The following ANTXR1 variants were observed in gnomAD, a reference collection of about 807,000 sequenced individuals.
ANTXR1 encodes anthrax toxin receptor 1.
Under a neutral mutation model 78.1 loss-of-function variants are expected in ANTXR1, and 19 were observed. The ratio of observed to expected loss-of-function variants is 0.24; its 90% CI spans 0.17 to 0.36. ANTXR1 has a LOEUF of 0.36. Ranked by LOEUF, ANTXR1 falls within the 10% of genes least tolerant of loss-of-function variation. The probability of loss-of-function intolerance (pLI) is 1.00; values close to 1 mark genes in which losing one functional copy is unlikely to be tolerated. For synonymous variants in ANTXR1, 273 were observed against 260.5 expected, an observed-to-expected ratio of 1.05 and a Z score of -0.46; for missense variants, 518 against 718.6, an observed-to-expected ratio of 0.72 and a Z score of 3.19.
At chr2:69,207,822 G>A (rs912228040) in intron 17 of ANTXR1, among the ~76,000 whole-genome samples, 1 of 152,158 alleles carries the variant, frequency 6.6e-6, no homozygotes, top group African/African-American at 2.4e-5. Flanking sequence ...CTGACAATTT[G>A]AAGGTGGAGA....
chr2:69,211,363 G>A (rs540086917), intron 17 of ANTXR1, among the ~76,000 whole-genome samples: 89 of 152,304 alleles, frequency 5.8e-4, no homozygotes, highest in Non-Finnish European at 8.7e-4. Context: ...AACACAGAGC[G>A]GGATCAACTG....
chr2:69,188,612 T>C (rs2104470788), intron 16 of ANTXR1, among the ~76,000 whole-genome samples: 1 of 152,360 alleles, frequency 6.6e-6, no homozygotes, highest in African/African-American at 2.4e-5. Context: ...GAAAGAAAGC[T>C]ATTTATAAAT....
At chr2:69,092,723 C>A (rs1671280089) in intron 9 of ANTXR1, among the ~76,000 whole-genome samples, 1 of 152,194 alleles carries the variant, frequency 6.6e-6, no homozygotes, top group South Asian at 2.1e-4. Context: ...CACATGAATG[C>A]AGTGCCAGGG....
chr2:69,227,345 C>T (rs755247570), intron 17 of ANTXR1, among the ~76,000 whole-genome samples: 13 of 152,102 alleles, frequency 8.5e-5, no homozygotes, highest in Non-Finnish European at 1.3e-4. Context: ...CTGGGCAGGT[C>T]TCACCTCTTC....
intron 3 of ANTXR1, among the ~76,000 whole-genome samples, chr2:69,062,648 T>A (rs1237694915): frequency 6.6e-6 from 1 of 152,180 alleles, no homozygotes; most frequent in Non-Finnish European, 1.5e-5. Flanking sequence ...AAGTCTCCAC[T>A]GCTTTTTTTA....
intron 2 of ANTXR1, among the ~76,000 whole-genome samples, chr2:69,041,561 C>T (rs952412294): frequency 2.0e-5 from 3 of 152,134 alleles, no homozygotes; most frequent in East Asian, 3.8e-4. Flanking sequence ...ATCTAAGTTC[C>T]GTTGTGCAAC....
At chr2:69,085,893 C>G (rs919441752) in intron 8 of ANTXR1, among the ~76,000 whole-genome samples, 13 of 152,180 alleles carry the variant, frequency 8.5e-5, no homozygotes, top group African/African-American at 2.7e-4. Flanking sequence ...AGGTTTTTGT[C>G]TTAGACAACT....
intron 1 of ANTXR1, among the ~76,000 whole-genome samples, chr2:69,014,153 G>T (rs1288728323): frequency 6.6e-6 from 1 of 152,140 alleles, no homozygotes; most frequent in Non-Finnish European, 1.5e-5. Flanking sequence ...ATCATGTAAT[G>T]CATACTTCTC....
At chr2:69,141,244 G>C (rs1673060663) in intron 12 of ANTXR1, among the ~76,000 whole-genome samples, 1 of 152,208 alleles carries the variant, frequency 6.6e-6, no homozygotes, top group African/African-American at 2.4e-5. Flanking sequence ...AGGAAAGGGA[G>C]GATGGAAAGG....
chr2:69,190,143 A>T (rs1674515186), intron 16 of ANTXR1, among the ~76,000 whole-genome samples: 1 of 152,184 alleles, frequency 6.6e-6, no homozygotes, highest in South Asian at 2.1e-4. Flanking sequence ...GAGAGGTCGG[A>T]GGGAGCAGGT....
chr2:69,018,541 T>C (rs1330091811), intron 1 of ANTXR1, among the ~76,000 whole-genome samples: 2 of 152,230 alleles, frequency 1.3e-5, no homozygotes, highest in African/African-American at 2.4e-5. Context: ...AAATACTGGA[T>C]TGGGAACTTG....
intron 1 of ANTXR1, among the ~76,000 whole-genome samples, chr2:69,029,253 G>C (rs1181757968): frequency 6.6e-6 from 1 of 150,548 alleles, no homozygotes; most frequent in Non-Finnish European, 1.5e-5. Flanking sequence ...AATGAGTAAA[G>C]AGAAAAGTAG....
intron 17 of ANTXR1, among the ~76,000 whole-genome samples, chr2:69,209,509 G>A (rs543092673): frequency 1.3e-5 from 2 of 152,332 alleles, no homozygotes; most frequent in African/African-American, 4.8e-5. Context: ...TCCTTTCATG[G>A]AGTTTGTATC....
chr2:69,082,422 A>AGTAACACT (rs61162095), intron 8 of ANTXR1, among the ~76,000 whole-genome samples: 16,213 of 151,966 alleles, frequency 0.11, 1,580 homozygotes, highest in African/African-American at 0.24. Context: ...CCTTGAAGCC[A>AGTAACACT]GTAACACTGT....
chr2:69,245,123 G>A, intron 17 of ANTXR1, 102 bp from the exon 18 acceptor site: 2 of 1,377,714 alleles, frequency 1.5e-6, no homozygotes, highest in Non-Finnish European at 2.1e-6. Flanking sequence ...CACCAACAGG[G>A]GCCAGCTTTC....
chr2:69,152,040 C>T (rs1223632602), intron 12 of ANTXR1, 129 bp from the exon 13 acceptor site: 1 of 907,790 alleles, frequency 1.1e-6, no homozygotes, highest in African/African-American at 1.6e-5. Flanking sequence ...GGCAGAGTTT[C>T]AACCATTTGC....
At position 69,232,947 on chromosome 2, in the gene ANTXR1, C is replaced by T. The variant is rs78316660; in HGVS notation, c.1435-12278C>T. ...AAGAAAGACAAAAGGACTATCACAACGAAGGAGATTTGTTTACCTGTAAGA... is the reference window on the plus strand; with the variant it reads ...AAGAAAGACAAAAGGACTATCACAATGAAGGAGATTTGTTTACCTGTAAGA... On this transcript the variant is annotated intron_variant, in intron 17 of 17. Transcript: ENST00000303714. Among the ~76,000 whole-genome samples, 479 of 152,142 alleles carry T rather than the reference C, an allele frequency of 3.1e-3. 4 individuals are homozygous for T. The highest frequency in any genetic ancestry group is 0.011 in the African/African-American group (443 of 41,534).
rs553580034 is a variant in ANTXR1 at position 69,164,186 on chromosome 2, G to A, written c.1048-6062G>A. 1.3e-3 allele frequency among the ~76,000 whole-genome samples: 195 copies of A among 152,302 alleles called. 1 individual carries two copies. Among genetic ancestry groups the A allele is most frequent in the Non-Finnish European group, 2.4e-3 (166 of 68,018 alleles). ...TGGAAGCCTGGGTTAGGGGATGAAAGGGGGTATAGGTGGTATCTAATAAGA... is the reference window on the plus strand; with the variant it reads ...TGGAAGCCTGGGTTAGGGGATGAAAAGGGGTATAGGTGGTATCTAATAAGA... On this transcript the variant is annotated intron_variant, in intron 13 of 17. Coordinates refer to ENST00000303714, the MANE Select transcript of ANTXR1 (RefSeq NM_032208.3).
chr2:69,077,623 G>C, intron 8 of ANTXR1, 135 bp downstream of exon 8: 1 of 936,676 alleles, frequency 1.1e-6, no homozygotes, highest in East Asian at 2.5e-5. Flanking sequence ...CTATATCTTT[G>C]TGTCTGCCAC....
Sources: allele counts gnomAD v4.1 joint callset (sites outside exome capture counted in the v4.1 genomes callset), GRCh38; gene constraint gnomAD v4.1.1; transcripts MANE v1.5; gene names NCBI Gene and HGNC (gene_info 2026-07-23, HGNC 2026-07-21).